Variants in KLHL5 observed in about 807,000 individuals in gnomAD.
The protein encoded by KLHL5 is kelch like family member 5, also known as kelch-like protein 5.
KLHL5 carries 48 observed loss-of-function variants against 77.7 expected under a neutral mutation model. The ratio of observed to expected loss-of-function variants is 0.62; its 90% CI spans 0.49 to 0.79. The LOEUF (loss-of-function observed/expected upper bound fraction) is 0.79. Among genes scored for constraint, KLHL5 ranks in the 30% least tolerant of loss-of-function variants. The pLI is 0.00. For missense variants in KLHL5, 723 were observed against 859.7 expected, an observed-to-expected ratio of 0.84 and a Z score of 1.99; for synonymous variants, 260 against 297.0, an observed-to-expected ratio of 0.88 and a Z score of 1.28.
chr4:39,127,171 T>C (rs543177891), downstream of KLHL5, among the ~76,000 whole-genome samples: 1 of 152,068 alleles, frequency 6.6e-6, no homozygotes, highest in East Asian at 1.9e-4. Context: ...CCCCTGTCTG[T>C]ACTAAAAATA....
chr4:39,073,834 T>TA (rs1464334691), intron 1 of KLHL5, among the ~76,000 whole-genome samples: 39 of 149,114 alleles, frequency 2.6e-4, no homozygotes, highest in Admixed American at 3.3e-4. Context: ...TTTTATTTTT[T>TA]TTTTTGTATT....
chr4:39,119,794 G>A (rs9990742), intron 10 of KLHL5, among the ~76,000 whole-genome samples: 80,258 of 152,090 alleles, frequency 0.53, 21,740 homozygotes, highest in Non-Finnish European at 0.59. Context: ...GACAGTGTCA[G>A]CTATTCACAA....
Position 39,124,802 on chromosome 4 carries a change from C to CAAAAAAAAAAAAAAAAAAAAAA in KLHL5, c.*3739_*3760dup, listed in dbSNP as rs71643268. Among the ~76,000 whole-genome samples, 49 of 44,108 alleles carry CAAAAAAAAAAAAAAAAAAAAAA rather than the reference C, an allele frequency of 1.1e-3. No homozygotes were observed. The highest frequency in any genetic ancestry group is 1.7e-3 in the Admixed American group (5 of 2,908). The allele number at this position is 44,108 out of a possible 152,430, so 28.9% of individuals were successfully genotyped here. On this transcript the variant is annotated 3_prime_UTR_variant, in exon 11 of 11. Transcript: ENST00000504108. ...GCACCAAAAGCACAAGCAACAACAG[C>CAAAAAAAAAAAAAAAAAAAAAA]AAAAAAAAAAAAAAAAAAAAAAAAT...
At chr4:39,075,897 A>G in intron 1 of KLHL5, 68 bp from the exon 2 acceptor site, 1 of 1,323,072 alleles carries the variant, frequency 7.6e-7, no homozygotes, top group Non-Finnish European at 1.1e-6. Flanking sequence ...CTTTCAAAAG[A>G]CTTAATAGGA....
upstream of KLHL5, chr4:39,044,833 T>TC (rs1250096873): frequency 2.1e-6 from 1 of 465,852 alleles, no homozygotes; most frequent in African/African-American, 2.1e-5. Flanking sequence ...GGCTAACCGG[T>TC]CCCCTACCCC....
rs975025611 is a variant in KLHL5 at position 39,081,712 on chromosome 4, C to T, written c.704-251C>T. ...GAGAGTTATACAGGTATATAGTAGA[C>T]ATAAGTTACTAACGTATCATTTTAA... On this transcript the variant is annotated intron_variant, in intron 3 of 10. Transcript: ENST00000504108. This position sits in a 1 kb window ranked among gnomAD's most constrained non-coding sequence, Gnocchi z 4.3. 6.6e-6 allele frequency among the ~76,000 whole-genome samples: 1 copy of T among 151,808 alleles called. No individual in the cohort carries two copies. The highest frequency in any genetic ancestry group is 2.4e-5 in the African/African-American group (1 of 41,308).
At chr4:39,066,525 C>A (rs371667055) in intron 1 of KLHL5, among the ~76,000 whole-genome samples, 2 of 152,166 alleles carry the variant, frequency 1.3e-5, no homozygotes, top group East Asian at 3.9e-4. Context: ...TTCAACTTTA[C>A]GATGATGGAA....
chr4:39,085,503 T>A (rs1055252993), intron 4 of KLHL5, among the ~76,000 whole-genome samples: 1 of 152,184 alleles, frequency 6.6e-6, no homozygotes, highest in Non-Finnish European at 1.5e-5. Flanking sequence ...TCAGGAAATA[T>A]GAGAAAAACA....
At chr4:39,078,723 A>G (rs928571324) in intron 2 of KLHL5, among the ~76,000 whole-genome samples, 6 of 152,060 alleles carry the variant, frequency 3.9e-5, no homozygotes, top group Non-Finnish European at 7.4e-5. Flanking sequence ...AAAGAATGAT[A>G]CAATGGACTT....
intron 2 of KLHL5, among the ~76,000 whole-genome samples, chr4:39,079,315 C>T (rs1719391568): frequency 6.6e-6 from 1 of 152,196 alleles, no homozygotes; most frequent in African/African-American, 2.4e-5. Flanking sequence ...TTCATTGACT[C>T]CTCATGTCAC....
intron 1 of KLHL5, among the ~76,000 whole-genome samples, chr4:39,051,528 T>G (rs1209507453): frequency 6.6e-6 from 1 of 152,180 alleles, no homozygotes; most frequent in African/African-American, 2.4e-5. Flanking sequence ...TCAGAAAGCT[T>G]GTTTACTCAG....
At chr4:39,104,722 T>C (rs116096918) in intron 7 of KLHL5, among the ~76,000 whole-genome samples, 36 of 152,334 alleles carry the variant, frequency 2.4e-4, no homozygotes, top group African/African-American at 7.7e-4. Context: ...TCTTATTAAG[T>C]TACCTTATAA....
intron 10 of KLHL5, chr4:39,115,812 G>T: frequency 9.8e-7 from 1 of 1,021,560 alleles, no homozygotes; most frequent in Non-Finnish European, 1.2e-6. Flanking sequence ...AACCTGATCT[G>T]GCAGTCTTAC....
upstream of KLHL5, chr4:39,062,178 A>T (rs924450931): frequency 1.1e-6 from 1 of 897,860 alleles, no homozygotes; most frequent in Non-Finnish European, 1.4e-6. Context: ...TATAGAATAC[A>T]TTTATTGTTT....
chr4:39,075,282 G>C (rs1718904409), intron 1 of KLHL5, among the ~76,000 whole-genome samples: 1 of 150,952 alleles, frequency 6.6e-6, no homozygotes, highest in African/African-American at 2.4e-5. Flanking sequence ...GGTGAGACGA[G>C]ATCGCGCCAT....
intron 9 of KLHL5, 41 bp downstream of exon 9, chr4:39,113,273 A>C: frequency 6.7e-7 from 1 of 1,490,078 alleles, no homozygotes; most frequent in Non-Finnish European, 9.3e-7. Flanking sequence ...AAAAAGATAT[A>C]TATAAGTCTC....
rs945748416 is a variant in KLHL5, at chr4:39,094,570, C to T, written c.1114-2122C>T. Among the ~76,000 whole-genome samples the T allele has an allele frequency of 4.0e-5, 6 of 151,234 alleles. 1 individual carries two copies. The highest frequency in any genetic ancestry group is 2.0e-4 in the Admixed American group (3 of 15,194). ...CGAAGGAAGCTATGAAAGTTAACAG[C>T]GAGGGAAAACTTAAAAATACTGGGT... On this transcript the variant is annotated intron_variant, in intron 5 of 10. Coordinates refer to ENST00000504108, the MANE Select transcript of KLHL5 (RefSeq NM_015990.5).
In KLHL5 at chr4:39,122,579, G is replaced by T. The variant is rs1723269938; in HGVS notation, c.*1513G>T. On this transcript the variant is annotated 3_prime_UTR_variant, in exon 11 of 11. Coordinates refer to ENST00000504108, the MANE Select transcript of KLHL5 (RefSeq NM_015990.5). ...CCAGCACTTTGGGAGGCTGAGGTGG[G>T]CGGATCACGAGGTCAGGAGATGGAG... Among the ~76,000 whole-genome samples the T allele has an allele frequency of 6.6e-6, 1 of 152,170 alleles. No individual in the cohort carries two copies. The highest frequency in any genetic ancestry group is 1.5e-5 in the Non-Finnish European group (1 of 68,042).
intron 5 of KLHL5, among the ~76,000 whole-genome samples, chr4:39,087,353 C>A (rs963527353): frequency 6.6e-6 from 1 of 152,244 alleles, no homozygotes; most frequent in East Asian, 1.9e-4. Context: ...AGATTAATTT[C>A]TTTGCCACAT....
Sources: gnomAD v4.1 joint callset for allele counts (sites outside exome capture counted in the v4.1 genomes callset) on GRCh38, gnomAD v4.1.1 for gene constraint, Gnocchi (gnomAD v3.1) non-coding constraint, MANE v1.5 for transcripts, NCBI Gene and HGNC (gene_info 2026-07-23, HGNC 2026-07-21) for gene names.